Variants in NEMP2 observed in about 807,000 individuals in gnomAD.
NEMP2 encodes the protein UPF0571 transmembrane protein.
In NEMP2, 53 loss-of-function variants were observed where a neutral mutation model predicts 54.2. That is an observed-to-expected ratio of 0.98 (90% CI 0.78 to 1.23). The LOEUF (loss-of-function observed/expected upper bound fraction) is 1.23, where lower values mean the gene tolerates loss of function less well. NEMP2 is among the 50% of genes most tolerant of loss of function. The pLI is 0.00. For missense variants in NEMP2, 455 were observed against 511.3 expected, an observed-to-expected ratio of 0.89 and a Z score of 1.06; for synonymous variants, 197 against 190.3, an observed-to-expected ratio of 1.04 and a Z score of -0.29.
At chr2:190,425,580 G>A in the NEMP2 span, among the ~76,000 whole-genome samples, 1 of 152,066 alleles carries the variant, frequency 6.6e-6, no homozygotes, top group African/African-American at 2.4e-5. This position sits in a 1 kb window ranked among gnomAD's most constrained non-coding sequence, Gnocchi z 4.3. Flanking sequence ...ATTTTATCAA[G>A]TGTTTTTCTG....
chr2:190,572,833 G>GCTTATATATATATATATA, the NEMP2 span, among the ~76,000 whole-genome samples: 2 of 47,862 alleles, frequency 4.2e-5, no homozygotes, highest in Non-Finnish European at 7.5e-5. Context: ...CTTTTCATGA[G>GCTTATATATATATATATA]TATATATATA....
the NEMP2 span, among the ~76,000 whole-genome samples, chr2:190,570,758 T>C: frequency 6.6e-6 from 1 of 152,230 alleles, no homozygotes; most frequent in Non-Finnish European, 1.5e-5. This position sits in a 1 kb window ranked among gnomAD's most constrained non-coding sequence, Gnocchi z 5.4. Flanking sequence ...GGTAGTGCTA[T>C]GTCCAGCTTA....
At chr2:190,473,869 C>T in the NEMP2 span, among the ~76,000 whole-genome samples, 11 of 152,210 alleles carry the variant, frequency 7.2e-5, no homozygotes, top group Non-Finnish European at 1.6e-4. Context: ...AACTGTCTCT[C>T]AGACCACAGT....
the NEMP2 span, among the ~76,000 whole-genome samples, chr2:190,421,735 A>AT: frequency 1.1e-4 from 16 of 151,294 alleles, no homozygotes; most frequent in South Asian, 4.2e-4. Flanking sequence ...TAAAAAAAAA[A>AT]TTTTTTTTAA....
chr2:190,510,234 C>A lies in NEMP2; in HGVS notation c.1130+127G>T, dbSNP rs1690308797. 2 of 1,148,202 alleles carry A rather than the reference C, an allele frequency of 1.7e-6. No individual in the cohort carries two copies. The highest frequency in any genetic ancestry group is 2.4e-6 in the Non-Finnish European group (2 of 823,064). The allele number at this position is 1,148,202 out of a possible 1,614,324, so 71.1% of individuals were successfully genotyped here. On this transcript the variant is annotated intron_variant, in intron 8 of 8. Transcript: ENST00000409150. This position sits in a 1 kb window ranked among gnomAD's most constrained non-coding sequence, Gnocchi z 5.7. ...TACTGAGAAAAGGGACCTCTGACAA[C>A]TTCCACATCATCTGTTATCCAGGGA...
chr2:190,565,651 G>A, the NEMP2 span, among the ~76,000 whole-genome samples: 5 of 152,226 alleles, frequency 3.3e-5, no homozygotes, highest in African/African-American at 4.8e-5. Flanking sequence ...TCCCACACCA[G>A]GCCAAGATGT....
At chr2:190,436,635 G>A in the NEMP2 span, 1 of 1,614,112 alleles carries the variant, frequency 6.2e-7, no homozygotes. The surrounding 1 kb of genome is among the most constrained non-coding windows in gnomAD (Gnocchi z 5.3). Flanking sequence ...GAAACCTTTT[G>A]GAAACAAGGC....
chr2:190,588,833 A>G, the NEMP2 span, among the ~76,000 whole-genome samples: 2 of 152,248 alleles, frequency 1.3e-5, no homozygotes, highest in South Asian at 4.1e-4. This position sits in a 1 kb window ranked among gnomAD's most constrained non-coding sequence, Gnocchi z 5.0. Flanking sequence ...GGTGGCTGAT[A>G]AACTCTGACA....
chr2:190,515,316 G>A (rs1410003039), intron 6 of NEMP2, among the ~76,000 whole-genome samples: 1 of 152,152 alleles, frequency 6.6e-6, no homozygotes, highest in Non-Finnish European at 1.5e-5. Flanking sequence ...TCTAGAAGGT[G>A]GAGATTCTAC....
the NEMP2 span, among the ~76,000 whole-genome samples, chr2:190,552,705 G>A: frequency 6.9e-6 from 1 of 145,044 alleles, no homozygotes; most frequent in African/African-American, 2.5e-5. Flanking sequence ...GGGCAATAGA[G>A]TGAGAACCTA....
the NEMP2 span, among the ~76,000 whole-genome samples, chr2:190,562,202 AC>A: frequency 1.3e-5 from 2 of 152,218 alleles, no homozygotes; most frequent in Non-Finnish European, 2.9e-5. This position sits in a 1 kb window ranked among gnomAD's most constrained non-coding sequence, Gnocchi z 5.0. Flanking sequence ...GGGAAAACAG[AC>A]CAGTAGAAAT....
At chr2:190,628,909 G>T in the NEMP2 span, among the ~76,000 whole-genome samples, 118 of 152,224 alleles carry the variant, frequency 7.8e-4, 1 homozygote, top group Non-Finnish European at 1.4e-3. This position sits in a 1 kb window ranked among gnomAD's most constrained non-coding sequence, Gnocchi z 4.1. Flanking sequence ...CTCCTCAGAT[G>T]TTGACTCCAT....
In NEMP2 at chr2:190,528,779, G is replaced by T. The variant is rs769526535; in HGVS notation, c.98-3401C>A. 6.6e-6 allele frequency among the ~76,000 whole-genome samples: 1 copy of T among 152,160 alleles called. No homozygotes were observed. The highest frequency in any genetic ancestry group is 6.5e-5 in the Admixed American group (1 of 15,286). ...CAATCAAATGCTCTCTTCAAATAAG[G>T]TTCTTTCCACTTGATCCTAAGACTG... On this transcript the variant is annotated intron_variant, in intron 1 of 8. Coordinates refer to ENST00000409150, the MANE Select transcript of NEMP2 (RefSeq NM_001142645.2). This position sits in a 1 kb window ranked among gnomAD's most constrained non-coding sequence, Gnocchi z 4.3.
the NEMP2 span, chr2:190,477,321 G>A: frequency 1.2e-5 from 12 of 984,672 alleles, no homozygotes; most frequent in Non-Finnish European, 1.4e-5. Context: ...ATCCTGACCT[G>A]GCTTAATTGC....
the NEMP2 span, among the ~76,000 whole-genome samples, chr2:190,546,227 T>TA: frequency 2.0e-5 from 3 of 151,884 alleles, no homozygotes; most frequent in Middle Eastern, 3.4e-3. This position sits in a 1 kb window ranked among gnomAD's most constrained non-coding sequence, Gnocchi z 5.1. Flanking sequence ...TTTTTTTTTT[T>TA]AAAAAAGAAA....
chr2:190,510,604 C>T lies in NEMP2; in HGVS notation c.954-67G>A, dbSNP rs939833393. ...ATCCTTAAGATTTACAAAAATAGGC[C>T]AGGCTCGGTGGCTCACGCCTGTAAT... is the stretch of plus-strand genomic sequence containing the variant. On this transcript the variant is annotated intron_variant, in intron 7 of 8. Transcript: ENST00000409150. The surrounding 1 kb of genome is among the most constrained non-coding windows in gnomAD (Gnocchi z 5.7). 1.3e-6 allele frequency: 2 copies of T among 1,516,972 alleles called. No homozygotes were observed. The highest frequency in any genetic ancestry group is 1.8e-6 in the Non-Finnish European group (2 of 1,118,906). The allele number at this position is 1,516,972 out of a possible 1,614,324, so 94.0% of individuals were successfully genotyped here. A position where few individuals can be genotyped will look rare whatever the true frequency, so the allele number is the denominator to read the frequency against.
the NEMP2 span, among the ~76,000 whole-genome samples, chr2:190,563,755 G>A: frequency 1.3e-5 from 2 of 152,340 alleles, no homozygotes; most frequent in African/African-American, 4.8e-5. The surrounding 1 kb of genome is among the most constrained non-coding windows in gnomAD (Gnocchi z 4.3). Flanking sequence ...GATGGTGTCT[G>A]AGCTATAGCT....
At chr2:190,545,667 G>A in the NEMP2 span, among the ~76,000 whole-genome samples, 1 of 152,156 alleles carries the variant, frequency 6.6e-6, no homozygotes, top group Non-Finnish European at 1.5e-5. Flanking sequence ...TTTCTTTCAT[G>A]TGTTTTTGGA....
At chr2:190,553,180 C>A in the NEMP2 span, 1 of 151,932 alleles carries the variant, frequency 6.6e-6, no homozygotes, top group Non-Finnish European at 1.5e-5. Context: ...TTCACATACA[C>A]TACCTCATTT....
Sources: gnomAD v4.1 joint callset for allele counts (sites outside exome capture counted in the v4.1 genomes callset) on GRCh38, gnomAD v4.1.1 for gene constraint, Gnocchi (gnomAD v3.1) non-coding constraint, MANE v1.5 for transcripts, NCBI Gene and HGNC (gene_info 2026-07-23, HGNC 2026-07-21) for gene names.